MSH5: variants seen among roughly 807,000 people sequenced by gnomAD.
The protein encoded by MSH5 is mutS protein homolog 5.
In MSH5, 78 loss-of-function variants were observed where a neutral mutation model predicts 107.7. The ratio of observed to expected loss-of-function variants is 0.72; its 90% CI spans 0.60 to 0.87. The LOEUF is 0.87. MSH5 is among the 40% of genes least tolerant of loss of function. The pLI is 0.00. For missense variants in MSH5, 889 were observed against 1,046.6 expected (o/e 0.85, Z 2.08); for synonymous variants, 326 against 399.5 (o/e 0.82, Z 2.19).
intron 12 of MSH5, 104 bp downstream of exon 12, chr6:31,753,733 C>CTTT: frequency 1.2e-4 from 104 of 858,962 alleles, no homozygotes; most frequent in Non-Finnish European, 1.5e-4. Context: ...ATTCTACCCT[C>CTTT]TTTTTTTTTT....
rs376301867 is a variant in MSH5, at chr6:31,741,733, G to A, written c.271+447G>A. On this transcript the variant is annotated intron_variant, in intron 3 of 24. Transcript: ENST00000375750. ...ACTGTCTAGCATATTTTGTGTTGCT[G>A]TAAGGAAATACCTGACTCTGAGTAA... Among the ~76,000 whole-genome samples the A allele has an allele frequency of 6.0e-5, 9 of 150,892 alleles. No homozygotes were observed. The East Asian group carries it at 1.6e-3, about 26-fold the overall frequency.
In MSH5 at chr6:31,740,464, C is replaced by T. The variant is rs771187667; in HGVS notation, c.-3C>T. 3 of 1,560,632 alleles carry T rather than the reference C, an allele frequency of 1.9e-6. No homozygotes were observed. In the East Asian group the frequency reaches 7.3e-5, roughly 38 times the overall value. On this transcript the variant is annotated 5_prime_UTR_variant, in exon 2 of 25. Coordinates refer to ENST00000375750, the MANE Select transcript of MSH5 (RefSeq NM_172166.4). This position sits in a 1 kb window ranked among gnomAD's most constrained non-coding sequence, Gnocchi z 4.4. Reference sequence around the variant, plus strand: ...TTTTTGCATCCGCAGAGCCTCCAAGCTCATGGCCTCCTTAGGAGCGAACCC... The same window carrying T: ...TTTTTGCATCCGCAGAGCCTCCAAGTTCATGGCCTCCTTAGGAGCGAACCC...
At chr6:31,750,113 C>T (rs1809814952) in intron 10 of MSH5, among the ~76,000 whole-genome samples, 1 of 152,086 alleles carries the variant, frequency 6.6e-6, no homozygotes, top group African/African-American at 2.4e-5. Flanking sequence ...GGGAGGAATG[C>T]GTATTCCCCA....
chr6:31,751,878 C>T (rs1405411195), intron 10 of MSH5, among the ~76,000 whole-genome samples: 1 of 151,914 alleles, frequency 6.6e-6, no homozygotes, highest in Admixed American at 6.6e-5. Context: ...GCAGGCAGAT[C>T]ACCTGAGGTC....
At chr6:31,743,196 A>G in intron 5 of MSH5, 26 bp downstream of exon 5, 1 of 1,609,296 alleles carries the variant, frequency 6.2e-7, no homozygotes, top group Non-Finnish European at 8.5e-7. Flanking sequence ...TGCTTTGCCT[A>G]ACTCCCTGTT....
intron 12 of MSH5, among the ~76,000 whole-genome samples, chr6:31,754,517 T>G (rs1338922701): frequency 6.6e-6 from 1 of 151,602 alleles, no homozygotes; most frequent in South Asian, 2.1e-4. Context: ...TTGTTGTCGT[T>G]TGTTTGTTTT....
intron 12 of MSH5, among the ~76,000 whole-genome samples, chr6:31,754,433 A>G (rs527616217): frequency 1.9e-4 from 29 of 152,206 alleles, no homozygotes; most frequent in Admixed American, 1.8e-3. Flanking sequence ...TATAGGTGGG[A>G]GCCACCGTGC....
chr6:31,749,827 G>A (rs552842820), intron 10 of MSH5, among the ~76,000 whole-genome samples: 4 of 152,246 alleles, frequency 2.6e-5, no homozygotes, highest in Non-Finnish European at 4.4e-5. Context: ...AAATGTAAAC[G>A]CACTGGTGAC....
rs77570173 is a variant in MSH5 at position 31,750,886 on chromosome 6, T to C, written c.813-2415T>C. ...AGTACTTGTTCTATGTAGAAAAGAA[T>C]TTGTGGGCTCACAAGTCCCTACAGA... On this transcript the variant is annotated intron_variant, in intron 10 of 24. Transcript: ENST00000375750. 2.8e-3 allele frequency among the ~76,000 whole-genome samples: 421 copies of C among 152,346 alleles called. 10 individuals carry two copies. The East Asian group carries it at 0.044, about 16-fold the overall frequency.
At chr6:31,742,237 G>C (rs918500234) in intron 3 of MSH5, among the ~76,000 whole-genome samples, 2 of 152,040 alleles carry the variant, frequency 1.3e-5, no homozygotes, top group African/African-American at 4.8e-5. Context: ...ACAAATATTT[G>C]TGAGGCTGTT....
Position 31,758,804 on chromosome 6 carries a change from G to T in MSH5, c.1255G>T (p.Glu419Ter). Residue 419 changes from glutamate to a stop codon, truncating the protein, a stop_gained, in exon 15 of 25, where the codon GAG (glutamate) becomes TAG (stop). Coordinates refer to ENST00000375750, the MANE Select transcript of MSH5 (RefSeq NM_172166.4). LOFTEE classifies it high-confidence loss of function. The surrounding 1 kb of genome is among the most constrained non-coding windows in gnomAD (Gnocchi z 5.1). ...GATGGGACTTCCCAGTTTCCTTACTGAGGTTGCCCGCAAGGAGCTGGAGAA... is the reference window on the plus strand; with the variant it reads ...GATGGGACTTCCCAGTTTCCTTACTTAGGTTGCCCGCAAGGAGCTGGAGAA... ...RLMGLPSFLT[E>*]VARKELENLD... 1 of 1,614,218 alleles carries T rather than the reference G, an allele frequency of 6.2e-7. No homozygotes were observed. The highest frequency in any genetic ancestry group is 8.5e-7 in the Non-Finnish European group (1 of 1,180,052).
At position 31,753,434 on chromosome 6, in the gene MSH5, G is replaced by A. The variant is rs377707567; in HGVS notation, c.946G>A (p.Val316Met). 11 of 1,613,716 alleles carry A rather than the reference G, an allele frequency of 6.8e-6. No individual in the cohort carries two copies. The highest frequency in any genetic ancestry group is 1.7e-5 in the Admixed American group (1 of 59,982). ...TCGGCTCCTGGGTCACATCAAGAAC[G>A]TGCCTGTGAGCCCAGGGTGGAGGGC... ...LHRLLGHIKNVPLILKRMKLS... is the reference protein window; with the variant it reads ...LHRLLGHIKNMPLILKRMKLS... The change falls in exon 11 of 25, where the codon GTG becomes ATG. Residue 316 changes from valine (V) to methionine (M), a missense_variant. Around this residue, in one of 3 missense-constraint regions of MSH5, gnomAD observed 518 missense variants for 565.0 expected, o/e 0.92. Transcript: ENST00000375750.
At chr6:31,747,628 A>C (rs1450309902) in intron 10 of MSH5, among the ~76,000 whole-genome samples, 196 bp downstream of exon 10, 1 of 152,180 alleles carries the variant, frequency 6.6e-6, no homozygotes, top group East Asian at 1.9e-4. Flanking sequence ...GCTGATATGC[A>C]TCTCATTTTT....
intron 6 of MSH5, 41 bp from the exon 7 acceptor site, chr6:31,744,149 A>G: frequency 1.3e-6 from 2 of 1,595,956 alleles, no homozygotes; most frequent in South Asian, 1.1e-5. Flanking sequence ...CCCCCAGGAG[A>G]TTTAAGATTT....
rs757134162 is a variant in MSH5, at chr6:31,743,129, C to G, written c.374C>G (p.Pro125Arg). 1.2e-6 allele frequency: 2 copies of G among 1,612,970 alleles called. No individual in the cohort carries two copies. Among genetic ancestry groups the G allele is most frequent in the Admixed American group, 1.7e-5 (1 of 59,994 alleles). The change falls in exon 5 of 25, where the codon CCT becomes CGT. Residue 125 changes from proline (P) to arginine (R), a missense_variant. By Grantham distance (103) the Pro-to-Arg change is moderately radical. Around this residue, in one of 3 missense-constraint regions of MSH5, gnomAD observed 518 missense variants for 565.0 expected, o/e 0.92. Transcript: ENST00000375750. The part of the protein sequence containing the change: ...GKLASQEHRE[P>R]KRPEIIFLPS... ...ACAGCCTCCCAGGAGCACAGAGAGC[C>G]TAAAAGACCTGAAATCATATTTTTG...
Position 31,761,261 on chromosome 6 carries a change from C to T in MSH5, c.2036C>T (p.Thr679Met), listed in dbSNP as rs371336753. ...LIDEFGKGTN[T>M]VDGLALLAAV... ...GATGAATTTGGAAAGGGAACCAACACGGTGAGGGGAGAAACTGATGAGGGG... is the reference window on the plus strand; with the variant it reads ...GATGAATTTGGAAAGGGAACCAACATGGTGAGGGGAGAAACTGATGAGGGG... Residue 679 changes from threonine (T) to methionine (M), a missense_variant and splice_region_variant, in exon 21 of 25, where the codon ACG becomes ATG. This residue lies in a region of MSH5 where 362 missense variants were observed against 456.2 expected (regional missense o/e 0.79). Coordinates refer to ENST00000375750, the MANE Select transcript of MSH5 (RefSeq NM_172166.4). The surrounding 1 kb of genome is among the most constrained non-coding windows in gnomAD (Gnocchi z 5.3). The T allele has an allele frequency of 9.9e-6, 16 of 1,613,406 alleles. No homozygotes were observed. Among genetic ancestry groups the T allele is most frequent in the South Asian group, 6.6e-5 (6 of 91,042 alleles).
At chr6:31,744,370 G>C (rs1159932251) in intron 7 of MSH5, 71 bp downstream of exon 7, 17 of 1,596,798 alleles carry the variant, frequency 1.1e-5, no homozygotes, top group Non-Finnish European at 1.7e-6. Context: ...AGTGGGGGTG[G>C]GGTGTGGATG....
At position 31,741,753 on chromosome 6, in the gene MSH5, G is replaced by C. The variant is rs74591625; in HGVS notation, c.271+467G>C. On this transcript the variant is annotated intron_variant, in intron 3 of 24. Coordinates refer to ENST00000375750, the MANE Select transcript of MSH5 (RefSeq NM_172166.4). ...TTGCTGTAAGGAAATACCTGACTCTGAGTAATTTGTTAAAAAAAAAAAAAA... is the reference window on the plus strand; with the variant it reads ...TTGCTGTAAGGAAATACCTGACTCTCAGTAATTTGTTAAAAAAAAAAAAAA... 9.3e-3 allele frequency among the ~76,000 whole-genome samples: 1,305 copies of C among 140,136 alleles called. 7 individuals carry two copies. Among genetic ancestry groups the C allele is most frequent in the South Asian group, 0.037 (165 of 4,440 alleles). The allele number at this position is 140,136 out of a possible 152,430, so 91.9% of individuals were successfully genotyped here.
Position 31,761,324 on chromosome 6 carries a change from G to T in MSH5, c.2037+62G>T. On this transcript the variant is annotated intron_variant, in intron 21 of 24. Transcript: ENST00000375750. This position sits in a 1 kb window ranked among gnomAD's most constrained non-coding sequence, Gnocchi z 5.3. ...GGGGAAAATGGAGGAGGATGAAGGA[G>T]CATGACAGTGAGGCTGGGCCTCTGG... 1.9e-6 allele frequency: 3 copies of T among 1,606,048 alleles called. No homozygotes were observed. The highest frequency in any genetic ancestry group is 2.6e-6 in the Non-Finnish European group (3 of 1,174,424).
Sources: gnomAD v4.1 joint callset for allele counts (sites outside exome capture counted in the v4.1 genomes callset) on GRCh38, gnomAD v4.1.1 for gene constraint, gnomAD v4.1.1 regional missense constraint, Gnocchi (gnomAD v3.1) non-coding constraint, MANE v1.5 for transcripts, NCBI Gene and HGNC (gene_info 2026-07-23, HGNC 2026-07-21) for gene names.